Variants in C12orf42 observed in about 807,000 individuals in gnomAD.
C12orf42 encodes chromosome 12 open reading frame 42.
In C12orf42, 25 loss-of-function variants were observed where a neutral mutation model predicts 21.6. That is an observed-to-expected ratio of 1.16 (90% CI 0.84 to 1.62). The LOEUF is 1.62. Among genes scored for constraint, C12orf42 ranks in the 40% most tolerant of loss-of-function variants. C12orf42 has a pLI of 0.00. For missense variants in C12orf42, 483 were observed against 459.3 expected (o/e 1.05, Z -0.47); for synonymous variants, 174 against 175.0 (o/e 0.99, Z 0.05).
At chr12:103,190,242 G>A in the C12orf42 span, among the ~76,000 whole-genome samples, 1 of 152,194 alleles carries the variant, frequency 6.6e-6, no homozygotes, top group Non-Finnish European at 1.5e-5. Flanking sequence ...CAAAGTGTCT[G>A]TCATGGGAAG....
At chr12:103,384,885 CGTGTCTGAA>C (rs2046477266) in intron 3 of C12orf42, among the ~76,000 whole-genome samples, 1 of 152,168 alleles carries the variant, frequency 6.6e-6, no homozygotes, top group Non-Finnish European at 1.5e-5. Context: ...GACCTAGGTT[CGTGTCTGAA>C]GTGTCTGAAC....
At chr12:103,212,060 TG>T in the C12orf42 span, among the ~76,000 whole-genome samples, 1 of 152,218 alleles carries the variant, frequency 6.6e-6, no homozygotes, top group Non-Finnish European at 1.5e-5. Context: ...TGATTCATTT[TG>T]AACTAAATAT....
chr12:103,427,109 T>C (rs1251418246), intron 2 of C12orf42, among the ~76,000 whole-genome samples: 1 of 151,904 alleles, frequency 6.6e-6, no homozygotes, highest in Admixed American at 6.6e-5. Flanking sequence ...CACATAAAAA[T>C]ATTAACCTTA....
chr12:103,542,362 CT>C, the C12orf42 span, among the ~76,000 whole-genome samples: 1 of 152,236 alleles, frequency 6.6e-6, no homozygotes, highest in African/African-American at 2.4e-5. Flanking sequence ...AGCAAAATCA[CT>C]TGCCAGAGCA....
At chr12:103,234,771 C>T (rs1481392495), downstream of C12orf42, among the ~76,000 whole-genome samples, 1 of 152,144 alleles carries the variant, frequency 6.6e-6, no homozygotes, top group Admixed American at 6.6e-5. Context: ...CTTTATGAGA[C>T]ATCTCAGGTT....
chr12:103,434,671 C>T (rs1246786332), intron 2 of C12orf42, among the ~76,000 whole-genome samples: 2 of 152,152 alleles, frequency 1.3e-5, no homozygotes, highest in Admixed American at 1.3e-4. Flanking sequence ...TCACTCCCAC[C>T]CGAATATTGC....
chr12:103,222,594 T>G, the C12orf42 span, among the ~76,000 whole-genome samples: 4 of 151,930 alleles, frequency 2.6e-5, no homozygotes, highest in East Asian at 7.7e-4. Context: ...CAGATAGGAG[T>G]GGACAATCTC....
the C12orf42 span, among the ~76,000 whole-genome samples, chr12:103,092,228 A>AC: frequency 5.3e-5 from 8 of 152,294 alleles, no homozygotes; most frequent in East Asian, 1.4e-3. Flanking sequence ...CAGGAAGTAA[A>AC]CGAGTTGTTT....
At chr12:103,130,727 G>A in the C12orf42 span, among the ~76,000 whole-genome samples, 4 of 152,306 alleles carry the variant, frequency 2.6e-5, no homozygotes, top group Admixed American at 6.5e-5. Flanking sequence ...CCCTGAGTAC[G>A]TCAGGAGGCT....
At chr12:103,324,189 C>T (rs2040453202) in intron 4 of C12orf42, among the ~76,000 whole-genome samples, 1 of 151,264 alleles carries the variant, frequency 6.6e-6, no homozygotes, top group Admixed American at 6.6e-5. Context: ...ATGTTTTAAT[C>T]ATAAGCACTT....
chr12:103,298,787 A>C (rs1048663655), downstream of C12orf42, among the ~76,000 whole-genome samples: 1 of 152,188 alleles, frequency 6.6e-6, no homozygotes, highest in Non-Finnish European at 1.5e-5. Context: ...GATTTTGGTC[A>C]GTTCCAATAA....
the C12orf42 span, among the ~76,000 whole-genome samples, chr12:103,113,639 T>C: frequency 2.0e-5 from 3 of 152,192 alleles, no homozygotes; most frequent in Non-Finnish European, 4.4e-5. Flanking sequence ...AGTGCACATA[T>C]TAACCTCCTG....
rs529328398 is a variant in C12orf42, at chr12:103,458,850, T to C, written c.78+19499A>G. Among the ~76,000 whole-genome samples the C allele has an allele frequency of 2.0e-5, 3 of 152,174 alleles. No homozygotes were observed. The East Asian group carries it at 5.8e-4, about 29-fold the overall frequency. ...CAGGATCTCTCACAATTTAGGAGAA[T>C]TTGTCCCATTTTACAGTCACAAACA... On this transcript the variant is annotated intron_variant, in intron 2 of 5. Coordinates refer to ENST00000548883, the MANE Select transcript of C12orf42 (RefSeq NM_198521.5).
intron 4 of C12orf42, among the ~76,000 whole-genome samples, chr12:103,279,323 G>A (rs2035961847): frequency 6.6e-6 from 1 of 152,108 alleles, no homozygotes; most frequent in African/African-American, 2.4e-5. Flanking sequence ...TCAGATGTAT[G>A]CATGTATTCA....
intron 4 of C12orf42, among the ~76,000 whole-genome samples, chr12:103,350,912 TGA>T (rs2043049931): frequency 6.6e-6 from 1 of 152,180 alleles, no homozygotes; most frequent in African/African-American, 2.4e-5. Context: ...TAAAAATTAC[TGA>T]GACTTTTTTT....
the C12orf42 span, among the ~76,000 whole-genome samples, chr12:103,135,381 C>A: frequency 6.6e-6 from 1 of 151,878 alleles, no homozygotes; most frequent in Non-Finnish European, 1.5e-5. Context: ...TGGCTTCAGC[C>A]CCAAAGCGGA....
intron 3 of C12orf42, among the ~76,000 whole-genome samples, chr12:103,382,813 T>C (rs1593725857): frequency 6.6e-6 from 1 of 152,312 alleles, no homozygotes; most frequent in South Asian, 2.1e-4. Flanking sequence ...TCCCCTCTTT[T>C]CTCCTACCTT....
At chr12:103,242,189 C>G (rs1340960058) in intron 10 of C12orf42, among the ~76,000 whole-genome samples, 1 of 152,118 alleles carries the variant, frequency 6.6e-6, no homozygotes, top group African/African-American at 2.4e-5. Flanking sequence ...TGTTAACTTT[C>G]TTCTTAAGTG....
chr12:103,244,266 G>C (rs7974029), intron 10 of C12orf42, among the ~76,000 whole-genome samples: 3,952 of 152,044 alleles, frequency 0.026, 181 homozygotes, highest in African/African-American at 0.09. Flanking sequence ...AGGGCTCTTG[G>C]AGTGATTGGC....
Sources: allele counts gnomAD v4.1 joint callset (sites outside exome capture counted in the v4.1 genomes callset), GRCh38; gene constraint gnomAD v4.1.1; transcripts MANE v1.5; gene names NCBI Gene and HGNC (gene_info 2026-07-23, HGNC 2026-07-21).